Variants in KCNN2 observed in about 807,000 individuals in gnomAD.
KCNN2 encodes small conductance calcium-activated potassium channel protein 2.
A neutral mutation model predicts 55.5 loss-of-function variants in KCNN2; 24 were observed. That is an observed-to-expected ratio of 0.43 (90% confidence interval 0.31 to 0.61). The LOEUF (loss-of-function observed/expected upper bound fraction) is 0.61. Among genes scored for constraint, KCNN2 ranks in the 20% least tolerant of loss-of-function variants. The pLI is 0.08. For missense variants in KCNN2, 754 were observed against 853.6 expected (o/e 0.88, Z 1.45); for synonymous variants, 431 against 336.1 (o/e 1.28, Z -3.09).
intron 2 of KCNN2, among the ~76,000 whole-genome samples, chr5:114,378,478 G>T (rs2150055100): frequency 6.6e-6 from 1 of 152,298 alleles, no homozygotes; most frequent in African/African-American, 2.4e-5. Context: ...AGAGATTCAG[G>T]TAGATGCCGA....
At chr5:114,078,979 T>C (rs906640694) in intron 1 of KCNN2, among the ~76,000 whole-genome samples, 2 of 152,154 alleles carry the variant, frequency 1.3e-5, no homozygotes, top group African/African-American at 4.8e-5. Context: ...AGTTGGAAAT[T>C]GAGTTGGAAG....
At chr5:114,367,246 T>C (rs1199639054) in intron 2 of KCNN2, among the ~76,000 whole-genome samples, 4 of 152,200 alleles carry the variant, frequency 2.6e-5, no homozygotes, top group African/African-American at 9.6e-5. Context: ...AGATTTCAGC[T>C]TTGGTGTCAT....
chr5:114,187,665 C>G (rs1004128786), intron 1 of KCNN2, among the ~76,000 whole-genome samples: 7 of 150,914 alleles, frequency 4.6e-5, no homozygotes, highest in African/African-American at 4.9e-5. Context: ...ACCACTGCAC[C>G]CGGCTAATTT....
At chr5:114,347,890 T>A (rs763127084) in intron 2 of KCNN2, among the ~76,000 whole-genome samples, 21 of 152,208 alleles carry the variant, frequency 1.4e-4, no homozygotes, top group Non-Finnish European at 2.8e-4. Context: ...TTGGCTCAGC[T>A]TTCCCAAGAG....
At chr5:114,383,232 C>A (rs980916183) in intron 2 of KCNN2, among the ~76,000 whole-genome samples, 1 of 152,082 alleles carries the variant, frequency 6.6e-6, no homozygotes, top group African/African-American at 2.4e-5. Flanking sequence ...TTACCTTCCT[C>A]CCAACAGTGT....
chr5:114,488,181 A>C (rs1251283329), intron 6 of KCNN2, among the ~76,000 whole-genome samples: 1 of 152,216 alleles, frequency 6.6e-6, no homozygotes, highest in East Asian at 1.9e-4. Context: ...AATAGATATC[A>C]CTGAAAATGT....
intron 3 of KCNN2, among the ~76,000 whole-genome samples, chr5:114,437,366 A>AT (rs1760045436): frequency 6.6e-6 from 1 of 152,094 alleles, no homozygotes; most frequent in African/African-American, 2.4e-5. Flanking sequence ...ACGTGAATGA[A>AT]TGCAAGTGTT....
intron 2 of KCNN2, among the ~76,000 whole-genome samples, chr5:114,224,729 C>T (rs1435462039): frequency 6.6e-6 from 1 of 152,152 alleles, no homozygotes; most frequent in Non-Finnish European, 1.5e-5. Flanking sequence ...AACCAGTCAG[C>T]CTCCCCTTTC....
At chr5:114,468,620 G>T (rs1761563068) in intron 4 of KCNN2, among the ~76,000 whole-genome samples, 1 of 152,102 alleles carries the variant, frequency 6.6e-6, no homozygotes, top group Non-Finnish European at 1.5e-5. Context: ...AAATCCCACA[G>T]GAGGATACTT....
chr5:114,145,981 T>C (rs1752390871), intron 1 of KCNN2, among the ~76,000 whole-genome samples: 1 of 152,138 alleles, frequency 6.6e-6, no homozygotes, highest in Non-Finnish European at 1.5e-5. Flanking sequence ...CAAATTTCTC[T>C]GTCTCGTTGT....
chr5:114,236,860 A>G (rs1231780473), intron 2 of KCNN2, among the ~76,000 whole-genome samples: 2 of 152,150 alleles, frequency 1.3e-5, no homozygotes, highest in African/African-American at 4.8e-5. Flanking sequence ...ATACTATGCT[A>G]TACGTAATAT....
intron 2 of KCNN2, among the ~76,000 whole-genome samples, chr5:114,299,720 C>T: frequency 6.6e-6 from 1 of 152,148 alleles, no homozygotes; most frequent in East Asian, 1.9e-4. Context: ...GCCATGTGGT[C>T]CTTGTAATCT....
At chr5:114,364,693 C>G (rs1181760446) in intron 2 of KCNN2, among the ~76,000 whole-genome samples, 1 of 150,222 alleles carries the variant, frequency 6.7e-6, no homozygotes, top group Non-Finnish European at 1.5e-5. Flanking sequence ...GTATCCATAT[C>G]AGAATGCTCT....
At chr5:114,302,139 A>G (rs1044754053) in intron 2 of KCNN2, among the ~76,000 whole-genome samples, 1 of 152,230 alleles carries the variant, frequency 6.6e-6, no homozygotes, top group Non-Finnish European at 1.5e-5. Flanking sequence ...AAGTACTCTT[A>G]GCTGGGTTGC....
chr5:114,389,492 G>A (rs73782224), intron 2 of KCNN2, among the ~76,000 whole-genome samples: 3,585 of 152,140 alleles, frequency 0.024, 114 homozygotes, highest in African/African-American at 0.078. Context: ...GGAGATAATT[G>A]TAGTATACAC....
At chr5:114,494,258 T>G (rs921120605) in intron 7 of KCNN2, among the ~76,000 whole-genome samples, 1 of 19,774 alleles carries the variant, frequency 5.1e-5, no homozygotes, top group Non-Finnish European at 2.1e-3. Context: ...TCTTACAAAC[T>G]GTTTTTTTTT....
intron 2 of KCNN2, among the ~76,000 whole-genome samples, chr5:114,348,397 A>G (rs929584429): frequency 6.6e-6 from 1 of 152,068 alleles, no homozygotes; most frequent in African/African-American, 2.4e-5. Context: ...CATTGTGCAC[A>G]TGTACCCTAA....
At chr5:114,400,679 C>A (rs1758759766) in intron 2 of KCNN2, among the ~76,000 whole-genome samples, 1 of 152,186 alleles carries the variant, frequency 6.6e-6, no homozygotes, top group Admixed American at 6.5e-5. Flanking sequence ...TTCAGCCACT[C>A]TGATGTTCCT....
At chr5:114,116,348 A>G (rs920872055) in intron 1 of KCNN2, among the ~76,000 whole-genome samples, 4 of 152,312 alleles carry the variant, frequency 2.6e-5, no homozygotes, top group South Asian at 4.1e-4. Flanking sequence ...TTATCCGACT[A>G]AAGTTACAAG....
Sources: gnomAD v4.1 joint callset for allele counts (sites outside exome capture counted in the v4.1 genomes callset) on GRCh38, gnomAD v4.1.1 for gene constraint, MANE v1.5 for transcripts, NCBI Gene and HGNC (gene_info 2026-07-23, HGNC 2026-07-21) for gene names.